Variants in MTUS1 observed in about 807,000 individuals in gnomAD.
MTUS1 encodes the protein microtubule associated scaffold protein 1.
MTUS1 carries 109 observed loss-of-function variants against 120.8 expected under a neutral mutation model. The ratio of observed to expected loss-of-function variants is 0.90; its 90% CI spans 0.77 to 1.06. The LOEUF (loss-of-function observed/expected upper bound fraction) is 1.06. MTUS1 is among the 50% of genes least tolerant of loss of function. The probability of loss-of-function intolerance (pLI) is 0.00; values close to 1 mark genes in which losing one functional copy is unlikely to be tolerated. For missense variants in MTUS1, 2,210 were observed against 1,486.3 expected, an observed-to-expected ratio of 1.49 and a Z score of -8.01; for synonymous variants, 737 against 550.5, an observed-to-expected ratio of 1.34 and a Z score of -4.74.
rs539142997 is a variant in MTUS1 at position 17,653,184 on chromosome 8, A to C, written c.3384+2T>G. 1 of 1,516,362 alleles carries C rather than the reference A, an allele frequency of 6.6e-7. No individual in the cohort carries two copies. Among genetic ancestry groups the C allele is most frequent in the South Asian group, 1.3e-5 (1 of 79,414 alleles). 93.9% of individuals were successfully genotyped at this position (1,516,362 alleles called of 1,614,324 possible). ...ACTGATAAAGGAGCACACACAACTT[A>C]CCAAATTTGCTTTTTCTCTTGCTCT... On this transcript the variant is annotated splice_donor_variant, in intron 12 of 14. Transcript: ENST00000693296. LOFTEE classifies it high-confidence loss of function.
At chr8:17,721,152 G>A (rs779705508) in intron 4 of MTUS1, among the ~76,000 whole-genome samples, 16 of 152,082 alleles carry the variant, frequency 1.1e-4, no homozygotes, top group Non-Finnish European at 2.2e-4. Context: ...TTGTTAAAGG[G>A]ATTCAAATAC....
At chr8:17,756,978 A>T (rs958132352) in intron 1 of MTUS1, among the ~76,000 whole-genome samples, 8 of 152,236 alleles carry the variant, frequency 5.3e-5, no homozygotes, top group Non-Finnish European at 8.8e-5. Context: ...GTGTATGATA[A>T]TTTGTTATGG....
intron 10 of MTUS1, chr8:17,654,246 A>G (rs1807703288): frequency 5.3e-6 from 2 of 375,688 alleles, no homozygotes; most frequent in Non-Finnish European, 9.7e-6. Context: ...TTTACTGTGG[A>G]TTACAAGATA....
intron 8 of MTUS1, among the ~76,000 whole-genome samples, chr8:17,669,646 G>A (rs1287252273): frequency 6.6e-6 from 1 of 152,058 alleles, no homozygotes; most frequent in Non-Finnish European, 1.5e-5. Context: ...AGGAGTTCGA[G>A]ACCAGCCTGG....
chr8:17,653,600 G>A (rs1308527672), intron 10 of MTUS1, 102 bp from the exon 11 acceptor site: 7 of 802,356 alleles, frequency 8.7e-6, no homozygotes, highest in Non-Finnish European at 1.4e-5. Context: ...TGATGAAGCC[G>A]TATGACGTTA....
intron 1 of MTUS1, among the ~76,000 whole-genome samples, chr8:17,778,706 G>T (rs373233117): frequency 6.6e-6 from 1 of 152,172 alleles, no homozygotes; most frequent in African/African-American, 2.4e-5. Context: ...CTACTTGGGA[G>T]GCTGAAGTGG....
chr8:17,702,616 G>A (rs1263430692), intron 6 of MTUS1, among the ~76,000 whole-genome samples: 2 of 152,142 alleles, frequency 1.3e-5, no homozygotes, highest in Non-Finnish European at 2.9e-5. Context: ...CCTATAAGTG[G>A]AATCATACAG....
chr8:17,699,132 A>G (rs1159009570), intron 6 of MTUS1, among the ~76,000 whole-genome samples: 3 of 152,202 alleles, frequency 2.0e-5, no homozygotes, highest in Non-Finnish European at 2.9e-5. Context: ...CCACCACTCC[A>G]TATAGTAGGA....
intron 1 of MTUS1, 55 bp from the exon 2 acceptor site, chr8:17,756,016 C>T (rs1586196785): frequency 8.5e-7 from 1 of 1,181,588 alleles, no homozygotes; most frequent in South Asian, 1.8e-5. Context: ...TAACAGGCCA[C>T]CCCTTGGTTT....
intron 6 of MTUS1, among the ~76,000 whole-genome samples, chr8:17,692,900 G>C (rs532691728): frequency 1.3e-5 from 2 of 152,242 alleles, no homozygotes; most frequent in African/African-American, 4.8e-5. Flanking sequence ...ATTTTGTTCT[G>C]ATACTACCTC....
intron 7 of MTUS1, among the ~76,000 whole-genome samples, chr8:17,682,005 ACAC>A (rs1814624792): frequency 6.6e-6 from 1 of 152,222 alleles, no homozygotes; most frequent in Non-Finnish European, 1.5e-5. Context: ...AGTGTATTGT[ACAC>A]TTACCACACA....
At chr8:17,656,463 G>A (rs1316047088) in intron 8 of MTUS1, among the ~76,000 whole-genome samples, 1 of 151,714 alleles carries the variant, frequency 6.6e-6, no homozygotes, top group Non-Finnish European at 1.5e-5. Flanking sequence ...GGGAGGCGGA[G>A]GTTGTAGTGA....
chr8:17,662,602 C>T (rs1349247059), intron 8 of MTUS1, among the ~76,000 whole-genome samples: 1 of 151,900 alleles, frequency 6.6e-6, no homozygotes. Flanking sequence ...GATCCGCCCA[C>T]CTCAGCATCC....
At chr8:17,653,576 G>C (rs1807529268) in intron 10 of MTUS1, 78 bp from the exon 11 acceptor site, 1 of 1,013,406 alleles carries the variant, frequency 9.9e-7, no homozygotes, top group Non-Finnish European at 1.5e-6. Context: ...AAAGCATATA[G>C]ATGTAGGGGT....
At chr8:17,698,244 T>C (rs762424154) in intron 6 of MTUS1, among the ~76,000 whole-genome samples, 6 of 152,228 alleles carry the variant, frequency 3.9e-5, no homozygotes, top group Non-Finnish European at 5.9e-5. Flanking sequence ...ATTGCATTTA[T>C]AGAACATCAT....
chr8:17,675,202 G>T lies in MTUS1; in HGVS notation c.2889C>A (p.Asn963Lys). Residue 963 changes from asparagine to lysine, a missense_variant, in exon 8 of 15, where the codon AAC becomes AAA. Asn to Lys is a moderately conservative substitution (Grantham distance 94). Coordinates refer to ENST00000693296, the MANE Select transcript of MTUS1 (RefSeq NM_001363059.2). Reference protein sequence around the residue: ...QHKTLSQELVNLRGELVTAST... With the variant: ...QHKTLSQELVKLRGELVTAST... Reference sequence around the variant, plus strand: ...AGCTCTTACCTAGCTCTCCCCGGAGGTTAACAAGTTCTTGAGATAGGGTTT... The same window carrying T: ...AGCTCTTACCTAGCTCTCCCCGGAGTTTAACAAGTTCTTGAGATAGGGTTT... The T allele has an allele frequency of 6.2e-7, 1 of 1,614,110 alleles. No individual in the cohort carries two copies. Among genetic ancestry groups the T allele is most frequent in the East Asian group, 2.2e-5 (1 of 44,884 alleles).
intron 8 of MTUS1, among the ~76,000 whole-genome samples, chr8:17,668,850 C>T (rs11203888): frequency 0.59 from 89,401 of 151,994 alleles, 28,022 homozygotes; most frequent in East Asian, 0.82. Flanking sequence ...CAGGCAGGCC[C>T]CAGTGTCTGC....
chr8:17,666,698 C>T (rs536392444), intron 8 of MTUS1, among the ~76,000 whole-genome samples: 25 of 152,254 alleles, frequency 1.6e-4, no homozygotes, highest in Admixed American at 7.2e-4. Context: ...AACTGGTCTC[C>T]TGTTAACCTG....
chr8:17,692,759 T>C (rs541496965), intron 6 of MTUS1, among the ~76,000 whole-genome samples: 2 of 152,244 alleles, frequency 1.3e-5, no homozygotes, highest in South Asian at 4.1e-4. Context: ...ATCTGTACAA[T>C]AAACTATTTA....
Sources: allele counts gnomAD v4.1 joint callset (sites outside exome capture counted in the v4.1 genomes callset), GRCh38; gene constraint gnomAD v4.1.1; transcripts MANE v1.5; gene names NCBI Gene and HGNC (gene_info 2026-07-23, HGNC 2026-07-21).